Variants in AGAP1 observed in about 807,000 individuals in gnomAD.
AGAP1 encodes the protein arf-GAP with GTPase, ANK repeat and PH domain-containing protein 1.
Under a neutral mutation model 105.3 loss-of-function variants are expected in AGAP1, and 29 were observed. The ratio of observed to expected loss-of-function variants is 0.28; its 90% confidence interval spans 0.21 to 0.38. AGAP1 has a LOEUF of 0.38. AGAP1 is among the 10% of genes least tolerant of loss of function. The pLI is 1.00. For missense variants in AGAP1, 998 were observed against 1,165.1 expected (o/e 0.86, Z 2.09); for synonymous variants, 509 against 485.9 (o/e 1.05, Z -0.63).
At chr2:235,616,317 C>T (rs1031526167) in intron 1 of AGAP1, among the ~76,000 whole-genome samples, 34 of 151,116 alleles carry the variant, frequency 2.2e-4, no homozygotes, top group African/African-American at 6.3e-4. Context: ...GCCAAGAGTG[C>T]GCCACTCTAC....
intron 1 of AGAP1, among the ~76,000 whole-genome samples, chr2:235,657,775 GC>G (rs1326178256): frequency 2.0e-5 from 3 of 152,188 alleles, no homozygotes; most frequent in African/African-American, 7.2e-5. Context: ...AACCCCCAGT[GC>G]CTCATAATGC....
At chr2:235,648,255 G>A (rs1389987146) in intron 1 of AGAP1, among the ~76,000 whole-genome samples, 1 of 152,060 alleles carries the variant, frequency 6.6e-6, no homozygotes, top group Non-Finnish European at 1.5e-5. Flanking sequence ...GGCAGTTTGG[G>A]TTTCTTTCCT....
intron 1 of AGAP1, among the ~76,000 whole-genome samples, chr2:235,573,061 T>TTCTTCTTCTTCTTC (rs771569923): frequency 3.0e-5 from 2 of 67,366 alleles, no homozygotes; most frequent in South Asian, 5.9e-4. Context: ...CTTCTTCTTC[T>TTCTTCTTCTTCTTC]TTCTTCTTTC....
chr2:235,720,697 T>C lies in AGAP1; in HGVS notation c.310+3053T>C. On this transcript the variant is annotated intron_variant, in intron 3 of 17. Transcript: ENST00000304032. The surrounding 1 kb of genome is among the most constrained non-coding windows in gnomAD (Gnocchi z 5.0). The stretch of plus-strand genomic sequence containing the variant: ...GCTTCTTAATGTCTGTGCCCTGTTC[T>C]TCTGATTTAATTAGTGCGTGAGTAT... 7 of 985,414 alleles carry C rather than the reference T, an allele frequency of 7.1e-6. No individual in the cohort carries two copies. Among genetic ancestry groups the C allele is most frequent in the Non-Finnish European group, 8.4e-6 (7 of 829,900 alleles). The allele number at this position is 985,414 out of a possible 1,614,324, so 61.0% of individuals were successfully genotyped here.
At chr2:235,766,546 C>T (rs1054012963) in intron 6 of AGAP1, among the ~76,000 whole-genome samples, 1 of 152,188 alleles carries the variant, frequency 6.6e-6, no homozygotes, top group African/African-American at 2.4e-5. Flanking sequence ...TGTGAAGTTA[C>T]TGGATCAGCA....
chr2:235,759,318 G>A (rs943331731), intron 6 of AGAP1, among the ~76,000 whole-genome samples: 2 of 151,902 alleles, frequency 1.3e-5, no homozygotes, highest in Non-Finnish European at 2.9e-5. Flanking sequence ...ACAGGCGCCT[G>A]CCACCACGCC....
rs1190381009 is a variant in AGAP1 at position 235,882,816 on chromosome 2, T to G, written c.1051-529T>G. Among the ~76,000 whole-genome samples, 5 of 151,824 alleles carry G rather than the reference T, an allele frequency of 3.3e-5. No individual in the cohort carries two copies. The East Asian group carries it at 9.7e-4, about 29-fold the overall frequency. On this transcript the variant is annotated intron_variant, in intron 9 of 17. Coordinates refer to ENST00000304032, the MANE Select transcript of AGAP1 (RefSeq NM_001037131.3). This position sits in a 1 kb window ranked among gnomAD's most constrained non-coding sequence, Gnocchi z 4.6. ...TTTAGTTTGTTCTTTCTTTTTCTCT[T>G]TGTCTCTCCTCTCTCTTTCTTTCAC...
At chr2:235,910,557 C>T (rs892936670) in intron 11 of AGAP1, among the ~76,000 whole-genome samples, 4 of 152,090 alleles carry the variant, frequency 2.6e-5, no homozygotes, top group Non-Finnish European at 4.4e-5. Context: ...AAAAACAATC[C>T]GTAGTGAGTA....
At chr2:235,771,514 C>G (rs888417867) in intron 6 of AGAP1, among the ~76,000 whole-genome samples, 1 of 152,174 alleles carries the variant, frequency 6.6e-6, no homozygotes, top group Non-Finnish European at 1.5e-5. Context: ...GGAGACATGC[C>G]GGTCTCTGCC....
chr2:235,894,201 G>T (rs556345197), intron 10 of AGAP1, among the ~76,000 whole-genome samples: 1 of 152,190 alleles, frequency 6.6e-6, no homozygotes, highest in Non-Finnish European at 1.5e-5. Context: ...AATATGAACC[G>T]CAACGGGTAT....
intron 16 of AGAP1, among the ~76,000 whole-genome samples, chr2:236,071,940 G>T (rs569116324): frequency 2.0e-5 from 3 of 152,086 alleles, no homozygotes; most frequent in African/African-American, 7.2e-5. Flanking sequence ...ATTATCCACC[G>T]TTGTGGTAAA....
intron 1 of AGAP1, among the ~76,000 whole-genome samples, chr2:235,643,197 C>T (rs1575026513): frequency 6.6e-6 from 1 of 151,954 alleles, no homozygotes; most frequent in East Asian, 1.9e-4. Context: ...CTTTGGGAGG[C>T]CGAGGCGGGT....
In AGAP1 at chr2:235,984,566, C is replaced by T. The variant is rs150404460; in HGVS notation, c.1645+15943C>T. Among the ~76,000 whole-genome samples the T allele has an allele frequency of 9.6e-3, 1,447 of 150,760 alleles. 17 individuals carry two copies. The highest frequency in any genetic ancestry group is 0.034 in the African/African-American group (1,381 of 40,962). ...GGTATACATATGCCATGGTGGTTTGCGGCACCTATTGACCCATTTCTAAGT... is the reference window on the plus strand; with the variant it reads ...GGTATACATATGCCATGGTGGTTTGTGGCACCTATTGACCCATTTCTAAGT... On this transcript the variant is annotated intron_variant, in intron 13 of 17. Coordinates refer to ENST00000304032, the MANE Select transcript of AGAP1 (RefSeq NM_001037131.3).
At chr2:236,103,760 G>A (rs2059417036) in intron 16 of AGAP1, among the ~76,000 whole-genome samples, 1 of 151,976 alleles carries the variant, frequency 6.6e-6, no homozygotes, top group Non-Finnish European at 1.5e-5. Flanking sequence ...GTAGAGTTGG[G>A]GTTTCACCAT....
In AGAP1 at chr2:235,865,428, G is replaced by A. The variant is rs950579240; in HGVS notation, c.1051-17917G>A. Among the ~76,000 whole-genome samples the A allele has an allele frequency of 6.6e-6, 1 of 152,208 alleles. No individual in the cohort carries two copies. The highest frequency in any genetic ancestry group is 1.5e-5 in the Non-Finnish European group (1 of 68,042). ...GGCGCCGACCCCGCCGTGCGCAATC[G>A]GGGCTTTATACGATTGCTGGAGATG... On this transcript the variant is annotated intron_variant, in intron 9 of 17. Coordinates refer to ENST00000304032, the MANE Select transcript of AGAP1 (RefSeq NM_001037131.3). This position sits in a 1 kb window ranked among gnomAD's most constrained non-coding sequence, Gnocchi z 6.2.
intron 13 of AGAP1, among the ~76,000 whole-genome samples, chr2:235,999,278 C>T (rs990371886): frequency 5.0e-5 from 6 of 119,210 alleles, no homozygotes; most frequent in East Asian, 2.7e-4. Context: ...ATTGTGGTGA[C>T]GATGCTGAGA....
intron 6 of AGAP1, among the ~76,000 whole-genome samples, chr2:235,782,027 T>G (rs918748739): frequency 9.2e-5 from 14 of 152,126 alleles, no homozygotes; most frequent in African/African-American, 3.4e-4. Flanking sequence ...TTGATTGGAA[T>G]TGTTGTTTTA....
intron 16 of AGAP1, among the ~76,000 whole-genome samples, chr2:236,070,881 A>G (rs1374933990): frequency 6.6e-6 from 1 of 152,082 alleles, no homozygotes; most frequent in African/African-American, 2.4e-5. Flanking sequence ...TGGTTCCATG[A>G]CTCTGAAAAA....
In AGAP1 at chr2:236,000,390, C is replaced by T. The variant is rs913173906; in HGVS notation, c.1645+31767C>T. Among the ~76,000 whole-genome samples, 1 of 152,200 alleles carries T rather than the reference C, an allele frequency of 6.6e-6. No individual in the cohort carries two copies. The highest frequency in any genetic ancestry group is 1.5e-5 in the Non-Finnish European group (1 of 68,026). The stretch of plus-strand genomic sequence containing the variant: ...CACATTTCCAAGAACCTGTCAATGG[C>T]ATTGAGGACTTTCTGTACAAAAATC... On this transcript the variant is annotated intron_variant, in intron 13 of 17. Coordinates refer to ENST00000304032, the MANE Select transcript of AGAP1 (RefSeq NM_001037131.3). The surrounding 1 kb of genome is among the most constrained non-coding windows in gnomAD (Gnocchi z 4.3).
Sources: allele counts gnomAD v4.1 joint callset (sites outside exome capture counted in the v4.1 genomes callset), GRCh38; gene constraint gnomAD v4.1.1; non-coding constraint Gnocchi (gnomAD v3.1); transcripts MANE v1.5; gene names NCBI Gene and HGNC (gene_info 2026-07-23, HGNC 2026-07-21).